Variants in GPC3 observed in about 807,000 individuals in gnomAD.
GPC3 encodes glypican 3.
A neutral mutation model predicts 34.4 loss-of-function variants in GPC3; 3 were observed. That is an observed-to-expected ratio of 0.09 (90% CI 0.04 to 0.23). The LOEUF (loss-of-function observed/expected upper bound fraction) is 0.23. Ranked by LOEUF, GPC3 falls within the 10% of genes least tolerant of loss-of-function variation. GPC3 has a pLI of 1.00. For missense variants in GPC3, 351 were observed against 445.6 expected (o/e 0.79, Z 1.91); for synonymous variants, 177 against 174.0 (o/e 1.02, Z -0.13).
At chrX:133,830,299 T>C (rs960009303) in intron 2 of GPC3, among the ~76,000 whole-genome samples, 3 of 111,820 alleles carry the variant, frequency 2.7e-5, no homozygotes, top group South Asian at 3.8e-4. Context: ...AACAACAGTG[T>C]TGAAAAATTA....
chrX:133,593,476 C>T (rs1465402458), intron 7 of GPC3, among the ~76,000 whole-genome samples: 4 of 106,865 alleles, frequency 3.7e-5, no homozygotes, highest in Admixed American at 1.0e-4. Context: ...AGGGTGCTTA[C>T]GGGGGCTAGT....
intron 2 of GPC3, among the ~76,000 whole-genome samples, chrX:133,903,150 CAA>C (rs61507100): frequency 2.3e-5 from 2 of 88,335 alleles, no homozygotes; most frequent in Non-Finnish European, 4.6e-5. Flanking sequence ...GACTCTGTCT[CAA>C]AAAAAAAAAA....
chrX:133,568,022 G>A (rs1425955683), intron 7 of GPC3, among the ~76,000 whole-genome samples: 2 of 112,256 alleles, frequency 1.8e-5, no homozygotes, highest in Non-Finnish European at 3.8e-5. Flanking sequence ...AATCTGAATG[G>A]ATTCAAGTCC....
chrX:133,898,915 G>C (rs2076132050), intron 2 of GPC3, among the ~76,000 whole-genome samples: 1 of 111,942 alleles, frequency 8.9e-6, no homozygotes, highest in African/African-American at 3.3e-5. Context: ...ATCCTAGGAA[G>C]CTGGCCATCC....
intron 1 of GPC3, among the ~76,000 whole-genome samples, chrX:133,959,574 AC>A (rs2076433282): frequency 8.9e-6 from 1 of 112,711 alleles, no homozygotes; most frequent in African/African-American, 3.2e-5. Flanking sequence ...TGCTAGCTGC[AC>A]AAGCAAGGGT....
intron 2 of GPC3, among the ~76,000 whole-genome samples, chrX:133,810,861 CAA>C (rs11433697): frequency 8.2e-5 from 5 of 61,172 alleles, no homozygotes; most frequent in Non-Finnish European, 5.5e-5. Context: ...GACTCCGTCT[CAA>C]AAAAAAAAAA....
chrX:133,744,363 A>G (rs1424486116), intron 3 of GPC3, among the ~76,000 whole-genome samples: 1 of 112,898 alleles, frequency 8.9e-6, no homozygotes, highest in African/African-American at 3.2e-5. Flanking sequence ...ATATGAACAG[A>G]TATTTCTCAA....
At chrX:133,651,215 G>A (rs1390211632) in intron 6 of GPC3, among the ~76,000 whole-genome samples, 2 of 107,800 alleles carry the variant, frequency 1.9e-5, no homozygotes, top group East Asian at 2.9e-4. Flanking sequence ...ACAGAGTCTC[G>A]CTCTGTCGCC....
At chrX:133,984,028 C>T (rs1183576079) in intron 1 of GPC3, among the ~76,000 whole-genome samples, 1 of 113,171 alleles carries the variant, frequency 8.8e-6, no homozygotes, top group Non-Finnish European at 1.9e-5. Flanking sequence ...CCTAGGTAAC[C>T]TCCTACCAGT....
chrX:133,724,961 T>G (rs902231316), intron 3 of GPC3, among the ~76,000 whole-genome samples: 103 of 111,558 alleles, frequency 9.2e-4, no homozygotes, highest in African/African-American at 3.2e-3. Context: ...TTGGAGGTCA[T>G]GCATGGGGCT....
intron 5 of GPC3, among the ~76,000 whole-genome samples, chrX:133,674,185 T>C: frequency 9.0e-6 from 1 of 110,590 alleles, no homozygotes; most frequent in Non-Finnish European, 1.9e-5. Context: ...TATGATGGTG[T>C]CACTGTACTC....
intron 2 of GPC3, among the ~76,000 whole-genome samples, chrX:133,915,200 G>A (rs959069028): frequency 4.6e-5 from 5 of 109,083 alleles, no homozygotes; most frequent in Non-Finnish European, 9.5e-5. Flanking sequence ...TGAGATGGAG[G>A]TTCGCTCTTG....
chrX:133,551,463 TTC>T (rs1397406140), intron 7 of GPC3, among the ~76,000 whole-genome samples: 1 of 111,546 alleles, frequency 9.0e-6, no homozygotes, highest in African/African-American at 3.3e-5. Flanking sequence ...CTCTATTCAC[TTC>T]TTTTTCTCTT....
intron 2 of GPC3, among the ~76,000 whole-genome samples, chrX:133,875,618 T>C (rs1458295961): frequency 9.0e-6 from 1 of 111,548 alleles, no homozygotes; most frequent in Non-Finnish European, 1.9e-5. Flanking sequence ...TATTCTTTTA[T>C]CAATAGCCTC....
chrX:133,768,894 T>G (rs773361022), intron 2 of GPC3, among the ~76,000 whole-genome samples: 55 of 109,832 alleles, frequency 5.0e-4, no homozygotes, highest in African/African-American at 1.8e-3. Context: ...GAGCCGAGAT[T>G]GAGCCACTGC....
chrX:133,545,380 G>A (rs1055297662), intron 7 of GPC3, among the ~76,000 whole-genome samples: 5 of 111,662 alleles, frequency 4.5e-5, no homozygotes, highest in African/African-American at 6.5e-5. Context: ...TGTGGCCATG[G>A]TGCCTGCCTG....
At chrX:133,641,630 G>A (rs748936731) in intron 6 of GPC3, among the ~76,000 whole-genome samples, 4 of 111,547 alleles carry the variant, frequency 3.6e-5, no homozygotes, top group Non-Finnish European at 7.5e-5. Context: ...CACAGAGGAA[G>A]GTCTGGCACA....
chrX:133,630,615 C>T (rs745735387), intron 6 of GPC3, among the ~76,000 whole-genome samples: 1 of 111,399 alleles, frequency 9.0e-6, no homozygotes, highest in Non-Finnish European at 1.9e-5. Context: ...TGAAGGCTTC[C>T]TCTCAATTGC....
chrX:133,788,088 TTATATATATATATATATA>T (rs56318773), intron 2 of GPC3, among the ~76,000 whole-genome samples: 21 of 64,917 alleles, frequency 3.2e-4, no homozygotes, highest in Non-Finnish European at 3.1e-4. Context: ...TCATATTATT[TTATATATATATATATATA>T]TATATATATA....
Sources: allele counts gnomAD v4.1 joint callset (sites outside exome capture counted in the v4.1 genomes callset), GRCh38; gene constraint gnomAD v4.1.1; transcripts MANE v1.5; gene names NCBI Gene and HGNC (gene_info 2026-07-23, HGNC 2026-07-21).